Variants in LAMTOR3 observed in about 807,000 individuals in gnomAD.
The protein encoded by LAMTOR3 is ragulator complex protein LAMTOR3.
Under a neutral mutation model 20.3 loss-of-function variants are expected in LAMTOR3, and 14 were observed. The ratio of observed to expected loss-of-function variants is 0.69; its 90% CI spans 0.46 to 1.08. LAMTOR3 has a LOEUF of 1.08. Among genes scored for constraint, LAMTOR3 ranks in the 50% least tolerant of loss-of-function variants. The pLI is 0.00. For missense variants in LAMTOR3, 125 were observed against 143.7 expected, an observed-to-expected ratio of 0.87 and a Z score of 0.67; for synonymous variants, 40 against 49.4, an observed-to-expected ratio of 0.81 and a Z score of 0.80.
rs373077863 is a variant in LAMTOR3, at chr4:99,884,076, C to T, written c.287G>A (p.Ser96Asn). Residue 96 changes from serine (S) to asparagine (N), a missense_variant, in exon 6 of 7, where the codon AGC becomes AAC. Ser to Asn is a conservative substitution (Grantham distance 46). Around this residue, in one of 3 missense-constraint regions of LAMTOR3, gnomAD observed 22 missense variants for 31.2 expected, o/e 0.70. Transcript: ENST00000499666. ...LPLVVSFIAS[S>N]SANTGLIVSL... is the part of the protein sequence containing the mutation. ...ATTAAACACACCTGTATTGGCACTG[C>T]TGCTGGCTATGAAACTCACCACCAA... 2.4e-5 allele frequency: 38 copies of T among 1,610,672 alleles called. No homozygotes were observed. The highest frequency in any genetic ancestry group is 3.3e-5 in the Admixed American group (2 of 59,972).
rs778168254 is a variant in LAMTOR3 at position 99,881,959 on chromosome 4, A to C, written c.*35T>G. The C allele has an allele frequency of 7.4e-7, 1 of 1,344,420 alleles. No homozygotes were observed. The highest frequency in any genetic ancestry group is 1.1e-6 in the Non-Finnish European group (1 of 939,418). 83.3% of individuals were successfully genotyped at this position (1,344,420 alleles called of 1,614,324 possible). A position where few individuals can be genotyped will look rare whatever the true frequency, so the allele number is the denominator to read the frequency against. The stretch of plus-strand genomic sequence containing the variant: ...GCTGGATTGATATTGTGTTGTTATA[A>C]TGAAGATAAGGTACACACTGAAACC... On this transcript the variant is annotated 3_prime_UTR_variant, in exon 7 of 7. Transcript: ENST00000499666.
chr4:99,894,335 C>A lies in LAMTOR3; in HGVS notation c.-38G>T, dbSNP rs992908903. 3.6e-5 allele frequency: 8 copies of A among 220,030 alleles called. No individual in the cohort carries two copies. Among genetic ancestry groups the A allele is most frequent in the Non-Finnish European group, 6.2e-5 (7 of 112,760 alleles). The allele number at this position is 220,030 out of a possible 1,614,324, so 13.6% of individuals were successfully genotyped here. A position where few individuals can be genotyped will look rare whatever the true frequency, so the allele number is the denominator to read the frequency against. On this transcript the variant is annotated splice_region_variant and 5_prime_UTR_variant, in exon 1 of 7. The change creates a new upstream start codon in the 5' untranslated region. Transcript: ENST00000499666. ...AACCAGGCAAAGTAGCGCCAGTTAC[C>A]TGGGGTTTCTGGGCTGCCTGGTTCT...
At chr4:99,891,862 C>T (rs1725028799) in intron 3 of LAMTOR3, 138 bp downstream of exon 3, 3 of 1,380,196 alleles carry the variant, frequency 2.2e-6, no homozygotes, top group African/African-American at 1.5e-5. Flanking sequence ...TTCCAGAGGA[C>T]GTGAGGCTGG....
chr4:99,892,036 T>C lies in LAMTOR3; in HGVS notation c.10-2A>G. 1 of 1,568,576 alleles carries C rather than the reference T, an allele frequency of 6.4e-7. No individual in the cohort carries two copies. The highest frequency in any genetic ancestry group is 8.6e-7 in the Non-Finnish European group (1 of 1,163,748). On this transcript the variant is annotated splice_acceptor_variant, in intron 2 of 6. Transcript: ENST00000499666. LOFTEE classifies it high-confidence loss of function. ...TTTATACAAGAATCGCTTTAGGTCC[T>C]GAAAGAGAGCATTAAAAAATAATGT...
At position 99,893,959 on chromosome 4, in the gene LAMTOR3, G is replaced by A. The variant is rs1725073039; in HGVS notation, c.5C>T (p.Ala2Val). 3.2e-6 allele frequency: 5 copies of A among 1,541,148 alleles called. No homozygotes were observed. Among genetic ancestry groups the A allele is most frequent in the East Asian group, 5.0e-5 (2 of 39,654 alleles). The part of the protein sequence containing the change: M[A>V]DDLKRFLYKK... ...TTATGTAGGGGTGTCACTCACATCCGCCATGATGAACCCCCTTCTCTCGCA... is the reference window on the plus strand; with the variant it reads ...TTATGTAGGGGTGTCACTCACATCCACCATGATGAACCCCCTTCTCTCGCA... The change falls in exon 2 of 7, where the codon GCG becomes GTG. Residue 2 changes from alanine (A) to valine (V), a missense_variant. Coordinates refer to ENST00000499666, the MANE Select transcript of LAMTOR3 (RefSeq NM_021970.4).
At chr4:99,885,095 C>T (rs1365494) in intron 5 of LAMTOR3, among the ~76,000 whole-genome samples, 16,835 of 152,162 alleles carry the variant, frequency 0.11, 1,102 homozygotes, top group East Asian at 0.24. Flanking sequence ...TAAAAACTAA[C>T]TTCTTTCCCA....
At chr4:99,889,294 A>G (rs1724982242) in intron 3 of LAMTOR3, among the ~76,000 whole-genome samples, 1 of 152,230 alleles carries the variant, frequency 6.6e-6, no homozygotes. Flanking sequence ...TTTGTACATA[A>G]GCCAATTATT....
chr4:99,893,629 A>G (rs1391984653), intron 2 of LAMTOR3, among the ~76,000 whole-genome samples: 5 of 152,236 alleles, frequency 3.3e-5, no homozygotes, highest in African/African-American at 1.2e-4. Flanking sequence ...CAGGAAAAGC[A>G]GCAAACCATC....
At chr4:99,885,186 T>A (rs950985725) in intron 5 of LAMTOR3, among the ~76,000 whole-genome samples, 1 of 152,166 alleles carries the variant, frequency 6.6e-6, no homozygotes, top group African/African-American at 2.4e-5. Flanking sequence ...TAATAAACTT[T>A]CAAGGAAAGT....
intron 3 of LAMTOR3, among the ~76,000 whole-genome samples, chr4:99,890,526 A>G (rs1725003587): frequency 6.6e-6 from 1 of 152,164 alleles, no homozygotes; most frequent in Non-Finnish European, 1.5e-5. Context: ...TTCTTCATAA[A>G]TGTTCAAAAC....
Position 99,880,888 on chromosome 4 carries a change from G to C in LAMTOR3, c.*1106C>G, listed in dbSNP as rs1283921789. On this transcript the variant is annotated 3_prime_UTR_variant, in exon 7 of 7. Transcript: ENST00000499666. ...ATAGACTGCATTCCTGAACATAAAGGGTATATTCTAGAACTGTAGTACCTC... is the reference window on the plus strand; with the variant it reads ...ATAGACTGCATTCCTGAACATAAAGCGTATATTCTAGAACTGTAGTACCTC... 1.3e-5 allele frequency: 2 copies of C among 152,114 alleles called. No homozygotes were observed. Among genetic ancestry groups the C allele is most frequent in the African/African-American group, 2.4e-5 (1 of 41,408 alleles). The allele number at this position is 152,114 out of a possible 1,614,324, so 9.4% of individuals were successfully genotyped here. A position where few individuals can be genotyped will look rare whatever the true frequency, so the allele number is the denominator to read the frequency against.
intron 4 of LAMTOR3, among the ~76,000 whole-genome samples, chr4:99,886,071 G>T (rs940468714): frequency 2.0e-5 from 3 of 152,162 alleles, no homozygotes; most frequent in Non-Finnish European, 4.4e-5. Context: ...ATCTCTCATA[G>T]ATATTAACAA....
At position 99,879,208 on chromosome 4, in the gene LAMTOR3, G is replaced by A. The variant is rs957776535; in HGVS notation, c.*2786C>T. On this transcript the variant is annotated 3_prime_UTR_variant, in exon 7 of 7. Transcript: ENST00000499666. ...GTATGTACTGAAGTCTTTTTTCTGG[G>A]TGAGTACATACCATTGATATCTAGT... is the stretch of plus-strand genomic sequence containing the variant. 5 of 152,030 alleles carry A rather than the reference G, an allele frequency of 3.3e-5. No individual in the cohort carries two copies. Among genetic ancestry groups the A allele is most frequent in the Admixed American group, 1.3e-4 (2 of 15,270 alleles). The allele number at this position is 152,030 out of a possible 1,614,324, so 9.4% of individuals were successfully genotyped here. A position where few individuals can be genotyped will look rare whatever the true frequency, so the allele number is the denominator to read the frequency against.
At chr4:99,894,029 C>T in intron 1 of LAMTOR3, 29 bp from the exon 2 acceptor site, 1 of 1,423,898 alleles carries the variant, frequency 7.0e-7, no homozygotes, top group Non-Finnish European at 9.5e-7. Flanking sequence ...GTGACTCTTC[C>T]CTCTTTGGCT....
chr4:99,878,652 C>A lies in LAMTOR3; in HGVS notation c.*3342G>T, dbSNP rs1398448625. ...TTGTAGCATGCCATACAGTTTGACA[C>A]CATGCTTTTCTCAATAAACATTATT... On this transcript the variant is annotated 3_prime_UTR_variant, in exon 7 of 7. Transcript: ENST00000499666. 1 of 152,180 alleles carries A rather than the reference C, an allele frequency of 6.6e-6. No homozygotes were observed. Among genetic ancestry groups the A allele is most frequent in the East Asian group, 1.9e-4 (1 of 5,198 alleles). 9.4% of individuals were successfully genotyped at this position (152,180 alleles called of 1,614,324 possible). A position where few individuals can be genotyped will look rare whatever the true frequency, so the allele number is the denominator to read the frequency against.
At chr4:99,891,953 C>T (rs1560722184) in intron 3 of LAMTOR3, 47 bp downstream of exon 3, 1 of 1,547,374 alleles carries the variant, frequency 6.5e-7, no homozygotes, top group Non-Finnish European at 8.7e-7. Flanking sequence ...ATAAAATTAA[C>T]ATATGGCATA....
chr4:99,882,083 T>C lies in LAMTOR3; in HGVS notation c.302-16A>G, dbSNP rs1049685149. The C allele has an allele frequency of 6.7e-7, 1 of 1,497,614 alleles. No homozygotes were observed. The highest frequency in any genetic ancestry group is 2.4e-5 in the East Asian group (1 of 42,472). The allele number at this position is 1,497,614 out of a possible 1,614,324, so 92.8% of individuals were successfully genotyped here. A position where few individuals can be genotyped will look rare whatever the true frequency, so the allele number is the denominator to read the frequency against. On this transcript the variant is annotated splice_polypyrimidine_tract_variant and intron_variant, in intron 6 of 6. Transcript: ENST00000499666. ...ACAATTAGTCCTAAAATAAAGAGAT[T>C]AAGAAAATTACATGTTAGAAAAATG...
chr4:99,892,126 T>C, intron 2 of LAMTOR3, 92 bp from the exon 3 acceptor site: 1 of 1,462,694 alleles, frequency 6.8e-7, no homozygotes, highest in Non-Finnish European at 9.0e-7. Context: ...GAACTTCAGT[T>C]ATCATTCATA....
chr4:99,885,561 C>A lies in LAMTOR3; in HGVS notation c.218G>T (p.Cys73Phe). The A allele has an allele frequency of 6.2e-7, 1 of 1,611,916 alleles. No homozygotes were observed. Among genetic ancestry groups the A allele is most frequent in the African/African-American group, 1.3e-5 (1 of 74,902 alleles). ...ACTTACCTGGTAGGTGTTATAGTAACAGATGATACTTTTATTTTTGGAAAG... is the reference window on the plus strand; with the variant it reads ...ACTTACCTGGTAGGTGTTATAGTAAAAGATGATACTTTTATTTTTGGAAAG... ...LGLSKNKSIICYYNTYQVVQF... is the reference protein window; with the variant it reads ...LGLSKNKSIIFYYNTYQVVQF... The change falls in exon 5 of 7, where the codon TGT (cysteine) becomes TTT (phenylalanine). Residue 73 changes from cysteine (C) to phenylalanine (F), a missense_variant. Physicochemically the swap from Cys to Phe is radical, Grantham distance 205 (BLOSUM62 -2). Coordinates refer to ENST00000499666, the MANE Select transcript of LAMTOR3 (RefSeq NM_021970.4).
Sources: allele counts gnomAD v4.1 joint callset (sites outside exome capture counted in the v4.1 genomes callset), GRCh38; gene constraint gnomAD v4.1.1; regional missense constraint gnomAD v4.1.1; transcripts MANE v1.5; gene names NCBI Gene and HGNC (gene_info 2026-07-23, HGNC 2026-07-21).